Variants in HS2ST1 observed in about 807,000 individuals in gnomAD.
HS2ST1 encodes heparan sulfate 2-O-sulfotransferase 1, also known as 2-O-sulfotransferase.
A neutral mutation model predicts 42.9 loss-of-function variants in HS2ST1; 18 were observed. That is an observed-to-expected ratio of 0.42 (90% CI 0.29 to 0.62). The LOEUF (loss-of-function observed/expected upper bound fraction) is 0.62, where lower values mean the gene tolerates loss of function less well. HS2ST1 is among the 20% of genes least tolerant of loss of function. HS2ST1 has a pLI of 0.21. For synonymous variants in HS2ST1, 146 were observed against 152.9 expected (o/e 0.95, Z 0.33); for missense variants, 334 against 433.8 (o/e 0.77, Z 2.04).
In HS2ST1 at chr1:87,045,718, A is replaced by AT. The variant is rs936549337; in HGVS notation, c.125-27213dup. On this transcript the variant is annotated intron_variant, in intron 1 of 6. Transcript: ENST00000370550. ...GCAGGAATAATATTCCCTGCCACTG[A>AT]TTTGATATCAAATCTACTCTTCATA... 204 of 843,462 alleles carry AT rather than the reference A, an allele frequency of 2.4e-4. No individual in the cohort carries two copies. The African/African-American group carries it at 3.1e-3, about 13-fold the overall frequency. 52.2% of individuals were successfully genotyped at this position (843,462 alleles called of 1,614,324 possible).
chr1:86,919,137 G>T (rs556183047), intron 1 of HS2ST1, among the ~76,000 whole-genome samples: 4 of 151,872 alleles, frequency 2.6e-5, no homozygotes, highest in Non-Finnish European at 4.4e-5. Context: ...TAGAGACAGG[G>T]TTTCACCATG....
intron 1 of HS2ST1, among the ~76,000 whole-genome samples, chr1:86,922,313 A>G (rs1331758945): frequency 6.6e-6 from 1 of 151,804 alleles, no homozygotes; most frequent in East Asian, 1.9e-4. Flanking sequence ...TGAGTCCTAC[A>G]ATACATTATT....
chr1:87,097,748 G>A (rs1652102908), intron 4 of HS2ST1, 90 bp from the exon 5 acceptor site: 2 of 1,466,366 alleles, frequency 1.4e-6, no homozygotes, highest in Non-Finnish European at 1.9e-6. Flanking sequence ...ACCTACTCTG[G>A]CCCATTTATT....
intron 1 of HS2ST1, among the ~76,000 whole-genome samples, chr1:86,917,424 C>T (rs1395233571): frequency 2.0e-5 from 3 of 151,712 alleles, no homozygotes; most frequent in Admixed American, 6.6e-5. Flanking sequence ...GAGGCTAAGG[C>T]ATGAGAACCG....
intron 1 of HS2ST1, among the ~76,000 whole-genome samples, chr1:87,064,006 C>G (rs1651184265): frequency 6.6e-6 from 1 of 152,166 alleles, no homozygotes; most frequent in Non-Finnish European, 1.5e-5. Context: ...TGACCCTGTA[C>G]TTGGCCTTCT....
Position 87,104,601 on chromosome 1 carries a change from T to C in HS2ST1, c.976T>C (p.Phe326Leu). 1 of 1,613,568 alleles carries C rather than the reference T, an allele frequency of 6.2e-7. No individual in the cohort carries two copies. Among genetic ancestry groups the C allele is most frequent in the Non-Finnish European group, 8.5e-7 (1 of 1,179,530 alleles). Residue 326 changes from phenylalanine to leucine, a missense_variant, in exon 7 of 7, where the codon TTC becomes CTC. Physicochemically the swap from Phe to Leu is conservative, Grantham distance 22. Transcript: ENST00000370550. ...FYEFALEQFQ[F>L]IRAHAVREKD... The stretch of plus-strand genomic sequence containing the variant: ...TGAATTTGCACTAGAGCAGTTCCAA[T>C]TCATCAGAGCCCATGCCGTTCGAGA...
chr1:86,959,767 A>G (rs1200652144), intron 1 of HS2ST1, among the ~76,000 whole-genome samples: 1 of 152,174 alleles, frequency 6.6e-6, no homozygotes, highest in East Asian at 1.9e-4. Flanking sequence ...CAAGATCTAT[A>G]TGAGGAAAAT....
At chr1:86,952,644 CAG>C (rs1342706660) in intron 1 of HS2ST1, among the ~76,000 whole-genome samples, 1 of 152,196 alleles carries the variant, frequency 6.6e-6, no homozygotes, top group Non-Finnish European at 1.5e-5. Flanking sequence ...TATTCTCCAT[CAG>C]AGTTATTGGG....
intron 1 of HS2ST1, among the ~76,000 whole-genome samples, chr1:87,066,277 C>T (rs1267737112): frequency 6.6e-6 from 1 of 152,172 alleles, no homozygotes; most frequent in African/African-American, 2.4e-5. Context: ...CTGCCTTCAT[C>T]AGGAGCCTGG....
intron 1 of HS2ST1, among the ~76,000 whole-genome samples, chr1:86,960,044 C>A (rs1002594835): frequency 6.6e-6 from 1 of 152,076 alleles, no homozygotes; most frequent in South Asian, 2.1e-4. Flanking sequence ...TATGAAGCCA[C>A]AGTAATCAAG....
At chr1:86,976,343 GTGATCTGTC>G (rs1051863660) in intron 1 of HS2ST1, among the ~76,000 whole-genome samples, 1 of 152,140 alleles carries the variant, frequency 6.6e-6, no homozygotes, top group African/African-American at 2.4e-5. Context: ...TGCCATCGAA[GTGATCTGTC>G]TGGCTGCTTA....
At chr1:86,952,822 C>T (rs750996429) in intron 1 of HS2ST1, among the ~76,000 whole-genome samples, 6 of 152,136 alleles carry the variant, frequency 3.9e-5, no homozygotes, top group Admixed American at 1.3e-4. Flanking sequence ...CAGGCAGAGT[C>T]GATTTAGCAT....
At chr1:87,078,984 A>G (rs1238744048) in intron 2 of HS2ST1, among the ~76,000 whole-genome samples, 1 of 152,214 alleles carries the variant, frequency 6.6e-6, no homozygotes. Flanking sequence ...ATTAAACTGT[A>G]AAAGGAGAAG....
At chr1:86,965,361 C>T (rs1648015175) in intron 1 of HS2ST1, among the ~76,000 whole-genome samples, 1 of 152,088 alleles carries the variant, frequency 6.6e-6, no homozygotes, top group Non-Finnish European at 1.5e-5. Flanking sequence ...TTTCCCCCCT[C>T]TGCACAGCTC....
intron 1 of HS2ST1, among the ~76,000 whole-genome samples, chr1:87,059,038 A>G (rs1437713038): frequency 1.3e-5 from 2 of 152,148 alleles, no homozygotes; most frequent in African/African-American, 2.4e-5. Context: ...CAACCTGGGC[A>G]ACAGAGTGAG....
Position 87,103,498 on chromosome 1 carries a change from G to T in HS2ST1, c.753G>T (p.Val251=), listed in dbSNP as rs1179137699. Residue 251 remains valine, a synonymous_variant, in exon 6 of 7, where the codon GTG becomes GTT. Coordinates refer to ENST00000370550, the MANE Select transcript of HS2ST1 (RefSeq NM_012262.4). The part of the protein sequence containing the change: ...KYNLINEYFL[V]GVTEELEDFI... ...ACCTAATTAATGAATATTTTCTGGTGGGAGTTACTGAAGAACTTGAAGATT... is the reference window on the plus strand; with the variant it reads ...ACCTAATTAATGAATATTTTCTGGTTGGAGTTACTGAAGAACTTGAAGATT... 5.6e-6 allele frequency: 9 copies of T among 1,612,898 alleles called. No homozygotes were observed.
intron 1 of HS2ST1, among the ~76,000 whole-genome samples, chr1:87,056,817 A>G (rs984824682): frequency 6.6e-6 from 1 of 152,236 alleles, no homozygotes; most frequent in Non-Finnish European, 1.5e-5. Context: ...ATAACAGTAT[A>G]TATTCACTGA....
At chr1:86,929,221 A>T (rs1342426225) in intron 1 of HS2ST1, among the ~76,000 whole-genome samples, 1 of 151,892 alleles carries the variant, frequency 6.6e-6, no homozygotes, top group East Asian at 1.9e-4. Flanking sequence ...ATAATATCTA[A>T]CTACTTTCTC....
chr1:87,029,624 A>T (rs566959540), intron 1 of HS2ST1, among the ~76,000 whole-genome samples: 1 of 152,248 alleles, frequency 6.6e-6, no homozygotes, highest in Non-Finnish European at 1.5e-5. Flanking sequence ...ACACCATGTC[A>T]TGTACAGTTT....
Sources: allele counts gnomAD v4.1 joint callset (sites outside exome capture counted in the v4.1 genomes callset), GRCh38; gene constraint gnomAD v4.1.1; transcripts MANE v1.5; gene names NCBI Gene and HGNC (gene_info 2026-07-23, HGNC 2026-07-21).